Variants in TCF4 observed in about 807,000 individuals in gnomAD.
TCF4 encodes the protein SL3-3 enhancer factor 2.
In TCF4, 3 loss-of-function variants were observed where a neutral mutation model predicts 82.1. The ratio of observed to expected loss-of-function variants is 0.04; its 90% CI spans 0.02 to 0.09. The LOEUF (loss-of-function observed/expected upper bound fraction) is 0.09, where lower values mean the gene tolerates loss of function less well. TCF4 is among the 10% of genes least tolerant of loss of function. The pLI, the probability that TCF4 is intolerant of heterozygous loss-of-function variation, is 1.00. For synonymous variants in TCF4, 276 were observed against 309.6 expected, an observed-to-expected ratio of 0.89 and a Z score of 1.14; for missense variants, 518 against 852.7, an observed-to-expected ratio of 0.61 and a Z score of 4.89.
At position 55,464,090 on chromosome 18, in the gene TCF4, G is replaced by A. The variant is rs751862363; in HGVS notation, c.193C>T (p.Pro65Ser). The A allele has an allele frequency of 1.9e-5, 30 of 1,613,704 alleles. No individual in the cohort carries two copies. The highest frequency in any genetic ancestry group is 5.9e-6 in the Non-Finnish European group (7 of 1,179,848). ...GATATACTTACCCTGGACGGGCTTG[G>A]ATGTCCTCCATTCCCCCAGGACCCT... Reference protein sequence around the residue: ...SSGSWGNGGHPSPSRNYGDGT... With the variant: ...SSGSWGNGGHSSPSRNYGDGT... The change falls in exon 4 of 20, where the codon CCA becomes TCA. Residue 65 changes from proline to serine, a missense_variant. This residue lies in a region of TCF4 where 80 missense variants were observed against 93.8 expected (regional missense o/e 0.85). Coordinates refer to ENST00000354452, the MANE Select transcript of TCF4 (RefSeq NM_001083962.2).
chr18:55,533,207 C>T (rs2097084333), intron 3 of TCF4, among the ~76,000 whole-genome samples: 1 of 152,146 alleles, frequency 6.6e-6, no homozygotes, highest in South Asian at 2.1e-4. Context: ...GCAATAAAAC[C>T]AGCCTCCCAG....
chr18:55,449,824 T>G (rs1037191883), intron 5 of TCF4, among the ~76,000 whole-genome samples: 1 of 152,104 alleles, frequency 6.6e-6, no homozygotes, highest in Admixed American at 6.5e-5. Context: ...TATTACACAC[T>G]TTCTATTTTC....
At chr18:55,321,667 T>C in intron 8 of TCF4, 2 of 1,536,164 alleles carry the variant, frequency 1.3e-6, no homozygotes. Flanking sequence ...CGCATTCGCT[T>C]ACCGCTTTCC....
chr18:55,344,705 A>G (rs188284683), intron 8 of TCF4, among the ~76,000 whole-genome samples: 3 of 152,224 alleles, frequency 2.0e-5, no homozygotes, highest in Non-Finnish European at 4.4e-5. Context: ...CACATTGGAG[A>G]GTAGGAAGAT....
Position 55,497,310 on chromosome 18 carries a change from GCTTGAATAAGATATAT to G in TCF4, c.146-33189_146-33174del, listed in dbSNP as rs2096648125. Among the ~76,000 whole-genome samples, 8 of 152,248 alleles carry G rather than the reference GCTTGAATAAGATATAT, an allele frequency of 5.3e-5. No individual in the cohort carries two copies. In the South Asian group the frequency reaches 1.2e-3, roughly 24 times the overall value. On this transcript the variant is annotated intron_variant, in intron 3 of 19. Coordinates refer to ENST00000354452, the MANE Select transcript of TCF4 (RefSeq NM_001083962.2). ...ATTTTATAAACAGAAAAGGAAATGA[GCTTGAATAAGATATAT>G]TTATGCAATTACCATATCTAATAGT...
At chr18:55,240,811 C>T (rs1300513436) in intron 15 of TCF4, among the ~76,000 whole-genome samples, 3 of 152,188 alleles carry the variant, frequency 2.0e-5, no homozygotes, top group African/African-American at 7.2e-5. Flanking sequence ...CTTTAAGAGA[C>T]TTTTCATTAA....
At chr18:55,626,314 T>C (rs2097726487) in intron 2 of TCF4, among the ~76,000 whole-genome samples, 1 of 152,208 alleles carries the variant, frequency 6.6e-6, no homozygotes, top group South Asian at 2.1e-4. Flanking sequence ...TTTCCTTTAT[T>C]AGATCATATT....
chr18:55,332,204 C>G (rs536991998), intron 8 of TCF4: 2 of 151,928 alleles, frequency 1.3e-5, no homozygotes, highest in East Asian at 3.9e-4. Flanking sequence ...TTCCTGATGA[C>G]GTAGAAGAAA....
intron 6 of TCF4, among the ~76,000 whole-genome samples, chr18:55,387,987 C>T (rs1399574710): frequency 6.6e-6 from 1 of 152,206 alleles, no homozygotes; most frequent in East Asian, 1.9e-4. Context: ...CCAACCTCAA[C>T]ATCTCTGAGC....
chr18:55,485,505 T>A (rs1369291338), intron 3 of TCF4, among the ~76,000 whole-genome samples: 1 of 152,220 alleles, frequency 6.6e-6, no homozygotes, highest in Non-Finnish European at 1.5e-5. Flanking sequence ...ATAAGTTACA[T>A]GCTGCATAAT....
At chr18:55,476,930 T>A (rs1308238808) in intron 3 of TCF4, among the ~76,000 whole-genome samples, 1 of 152,230 alleles carries the variant, frequency 6.6e-6, no homozygotes, top group Non-Finnish European at 1.5e-5. Flanking sequence ...TGTGCATGTG[T>A]GTGCATGTGC....
intron 3 of TCF4, among the ~76,000 whole-genome samples, chr18:55,581,945 G>C (rs1269424394): frequency 6.6e-6 from 1 of 152,100 alleles, no homozygotes; most frequent in Non-Finnish European, 1.5e-5. Flanking sequence ...AACTAAGGGA[G>C]AAAGATGTAG....
At chr18:55,401,621 C>T (rs1183699309) in intron 6 of TCF4, 3 of 989,036 alleles carry the variant, frequency 3.0e-6, no homozygotes, top group African/African-American at 1.7e-5. Flanking sequence ...CAGTTTCACC[C>T]GAGGGAAGTA....
intron 8 of TCF4, among the ~76,000 whole-genome samples, chr18:55,301,133 T>C (rs1379888317): frequency 6.6e-6 from 1 of 151,992 alleles, no homozygotes; most frequent in East Asian, 1.9e-4. Context: ...TACAAGGCAA[T>C]TAGAAGAAAA....
At chr18:55,562,701 T>C (rs976032449) in intron 3 of TCF4, among the ~76,000 whole-genome samples, 5 of 152,228 alleles carry the variant, frequency 3.3e-5, no homozygotes, top group African/African-American at 1.2e-4. Flanking sequence ...ATTTTTGCCA[T>C]AACTAAGTAC....
chr18:55,322,218 C>G, intron 8 of TCF4: 1 of 1,051,618 alleles, frequency 9.5e-7, no homozygotes, highest in Non-Finnish European at 1.1e-6. Context: ...GAGCAGAATA[C>G]AAATGCAGTT....
chr18:55,402,143 C>A (rs985660554), intron 6 of TCF4: 7 of 985,302 alleles, frequency 7.1e-6, no homozygotes, highest in African/African-American at 1.7e-5. Flanking sequence ...AACTGCACTC[C>A]GGCAGGAGCT....
intron 8 of TCF4, among the ~76,000 whole-genome samples, chr18:55,345,770 T>C (rs982753536): frequency 2.6e-5 from 4 of 152,186 alleles, no homozygotes; most frequent in African/African-American, 9.6e-5. Flanking sequence ...TTTCGTTCAC[T>C]TGTGATCGAT....
intron 6 of TCF4, among the ~76,000 whole-genome samples, chr18:55,373,485 G>A (rs2145644681): frequency 6.6e-6 from 1 of 152,072 alleles, no homozygotes; most frequent in South Asian, 2.1e-4. Flanking sequence ...TCAATTAGAA[G>A]GACAATAAGT....
Sources: gnomAD v4.1 joint callset for allele counts (sites outside exome capture counted in the v4.1 genomes callset) on GRCh38, gnomAD v4.1.1 for gene constraint, gnomAD v4.1.1 regional missense constraint, MANE v1.5 for transcripts, NCBI Gene and HGNC (gene_info 2026-07-23, HGNC 2026-07-21) for gene names.